The following EIF2B3 variants were observed in gnomAD, a reference collection of about 807,000 sequenced individuals.
The protein encoded by EIF2B3 is translation initiation factor eIF2B subunit gamma.
A neutral mutation model predicts 54.1 loss-of-function variants in EIF2B3; 20 were observed. The observed-to-expected ratio is 0.37, with a 90% CI of 0.26 to 0.54. The LOEUF (loss-of-function observed/expected upper bound fraction) is 0.54. EIF2B3 is among the 20% of genes least tolerant of loss of function. The pLI is 0.86. For missense variants in EIF2B3, 448 were observed against 547.8 expected (o/e 0.82, Z 1.82); for synonymous variants, 153 against 188.1 (o/e 0.81, Z 1.52).
intron 4 of EIF2B3, among the ~76,000 whole-genome samples, chr1:44,937,815 C>T (rs1226481090): frequency 9.2e-5 from 12 of 129,830 alleles, no homozygotes; most frequent in African/African-American, 2.0e-4. Context: ...ACCCGGGAGG[C>T]GGAGCTTGCA....
At chr1:44,855,184 C>T (rs1654399290) in intron 11 of EIF2B3, among the ~76,000 whole-genome samples, 1 of 151,776 alleles carries the variant, frequency 6.6e-6, no homozygotes, top group Non-Finnish European at 1.5e-5. Flanking sequence ...GCTGGATGCA[C>T]TGGTCCTTCC....
chr1:44,947,834 C>G (rs1446206247), intron 3 of EIF2B3, among the ~76,000 whole-genome samples: 1 of 152,088 alleles, frequency 6.6e-6, no homozygotes, highest in Non-Finnish European at 1.5e-5. Context: ...TGGTCCAATC[C>G]CAGTCAAATC....
intron 4 of EIF2B3, among the ~76,000 whole-genome samples, chr1:44,936,960 A>G (rs1257397007): frequency 5.3e-5 from 8 of 152,220 alleles, no homozygotes; most frequent in Admixed American, 2.0e-4. Context: ...CATGAAGATC[A>G]AGGTAATTTG....
chr1:44,976,425 G>T (rs1644453709), intron 3 of EIF2B3, among the ~76,000 whole-genome samples: 1 of 152,140 alleles, frequency 6.6e-6, no homozygotes, highest in African/African-American at 2.4e-5. Context: ...TACTAGAATG[G>T]TTAAAATTAA....
intron 11 of EIF2B3, among the ~76,000 whole-genome samples, 184 bp from the exon 12 acceptor site, chr1:44,851,187 C>G (rs1378141393): frequency 1.3e-5 from 2 of 152,010 alleles, no homozygotes; most frequent in Non-Finnish European, 2.9e-5. Flanking sequence ...GCCTCAGCCT[C>G]CTGAGTAGCT....
chr1:44,959,276 TG>T, intron 3 of EIF2B3: 1 of 681,076 alleles, frequency 1.5e-6, no homozygotes, highest in Non-Finnish European at 2.8e-6. Context: ...TTTTTTTTTG[TG>T]GGTTCTTCCA....
chr1:44,955,058 C>G (rs947934394), intron 3 of EIF2B3, among the ~76,000 whole-genome samples: 1 of 152,040 alleles, frequency 6.6e-6, no homozygotes, highest in African/African-American at 2.4e-5. Context: ...GTCTTGCATC[C>G]CAGGGATGAA....
In EIF2B3 at chr1:44,918,368, C is replaced by T. The variant is rs1482371764; in HGVS notation, c.566+8260G>A. ...AAGTGCTGGGATTATAGGAGTGAGC[C>T]TCTGTGCCCAGCAATAGCATAGTAG... On this transcript the variant is annotated intron_variant, in intron 5 of 11. Coordinates refer to ENST00000360403, the MANE Select transcript of EIF2B3 (RefSeq NM_020365.5). 2.0e-5 allele frequency among the ~76,000 whole-genome samples: 3 copies of T among 152,060 alleles called. No individual in the cohort carries two copies. The East Asian group carries it at 5.8e-4, about 29-fold the overall frequency.
chr1:44,936,425 CAA>C (rs35416105), intron 4 of EIF2B3, among the ~76,000 whole-genome samples: 152 of 133,406 alleles, frequency 1.1e-3, no homozygotes, highest in South Asian at 2.9e-3. Flanking sequence ...ACTAAAAATA[CAA>C]AAAAAAAAAA....
intron 6 of EIF2B3, among the ~76,000 whole-genome samples, chr1:44,883,828 C>T (rs1378072637): frequency 6.6e-6 from 1 of 152,174 alleles, no homozygotes; most frequent in Non-Finnish European, 1.5e-5. Flanking sequence ...AAAGTCTGGA[C>T]TGAGAAGCCA....
intron 6 of EIF2B3, among the ~76,000 whole-genome samples, chr1:44,896,379 G>T (rs1227263887): frequency 2.0e-5 from 3 of 152,146 alleles, no homozygotes; most frequent in Non-Finnish European, 4.4e-5. Flanking sequence ...GTTGTGGGGG[G>T]GTGACAGGTA....
chr1:44,942,377 T>TTTTATA (rs1318229963), intron 3 of EIF2B3, among the ~76,000 whole-genome samples: 1 of 21,586 alleles, frequency 4.6e-5, no homozygotes, highest in East Asian at 1.8e-3. Context: ...CTTTCTGATT[T>TTTTATA]TATATATATA....
At chr1:44,885,752 A>G (rs538260099) in intron 6 of EIF2B3, among the ~76,000 whole-genome samples, 6 of 146,728 alleles carry the variant, frequency 4.1e-5, no homozygotes, top group African/African-American at 1.5e-4. Flanking sequence ...ACTGTAAAGA[A>G]TTTTTTTTTT....
intron 3 of EIF2B3, among the ~76,000 whole-genome samples, chr1:44,961,202 G>A (rs764462340): frequency 6.6e-6 from 1 of 151,444 alleles, no homozygotes; most frequent in Non-Finnish European, 1.5e-5. Context: ...AGCTGGGAGT[G>A]GTGGTGAGTA....
intron 10 of EIF2B3, 73 bp downstream of exon 10, chr1:44,874,605 T>A (rs1185748845): frequency 1.3e-6 from 2 of 1,556,880 alleles, no homozygotes; most frequent in African/African-American, 2.7e-5. Context: ...TAGGTTAAAA[T>A]TAACCTTCCT....
intron 5 of EIF2B3, among the ~76,000 whole-genome samples, chr1:44,906,924 C>T (rs914592796): frequency 4.6e-5 from 7 of 152,194 alleles, no homozygotes; most frequent in Non-Finnish European, 8.8e-5. Context: ...AACTTCGGAT[C>T]TCCCTGCCAC....
At chr1:44,876,674 C>A (rs1655168943) in intron 8 of EIF2B3, among the ~76,000 whole-genome samples, 1 of 121,828 alleles carries the variant, frequency 8.2e-6, no homozygotes, top group Non-Finnish European at 1.6e-5. Flanking sequence ...TCTGCCCGGC[C>A]ACGACCCCCT....
At chr1:44,901,686 A>G (rs1362361556) in intron 5 of EIF2B3, among the ~76,000 whole-genome samples, 1 of 150,250 alleles carries the variant, frequency 6.7e-6, no homozygotes, top group Non-Finnish European at 1.5e-5. Context: ...CAGCCTCCTG[A>G]GTAGCTGGGA....
At chr1:44,924,523 G>C (rs1304772304) in intron 5 of EIF2B3, among the ~76,000 whole-genome samples, 2 of 152,094 alleles carry the variant, frequency 1.3e-5, no homozygotes, top group East Asian at 3.9e-4. Flanking sequence ...AAGTAGCTGG[G>C]ACTACAGGCA....
Sources: gnomAD v4.1 joint callset for allele counts (sites outside exome capture counted in the v4.1 genomes callset) on GRCh38, gnomAD v4.1.1 for gene constraint, MANE v1.5 for transcripts, NCBI Gene and HGNC (gene_info 2026-07-23, HGNC 2026-07-21) for gene names.